Variants in DSC3 observed in about 807,000 individuals in gnomAD.
DSC3 encodes the protein desmocollin 3, also known as desmocollin-3.
Under a neutral mutation model 89.5 loss-of-function variants are expected in DSC3, and 97 were observed. The observed-to-expected ratio is 1.08, with a 90% CI of 0.92 to 1.28. The LOEUF is 1.28. Among genes scored for constraint, DSC3 ranks in the 50% most tolerant of loss-of-function variants. The probability of loss-of-function intolerance (pLI) is 0.00; values close to 1 mark genes in which losing one functional copy is unlikely to be tolerated. For missense variants in DSC3, 1,199 were observed against 1,085.3 expected (o/e 1.10, Z -1.47); for synonymous variants, 436 against 384.1 (o/e 1.14, Z -1.58).
chr18:31,004,200 T>C lies in DSC3; in HGVS notation c.2055A>G (p.Gly685=), dbSNP rs1308564210. ...GGATTGCCCATTTTCCAAGTATTAC[T>C]CCTGTACTCCTTGAAGTCGCACGAC... ...TQCRATSRST[G]VILGKWAILA... is the part of the protein sequence containing the mutation. Residue 685 remains glycine, a synonymous_variant, in exon 13 of 16, where the codon GGA becomes GGG. Transcript: ENST00000360428. The C allele has an allele frequency of 1.2e-6, 2 of 1,613,992 alleles. No individual in the cohort carries two copies. The highest frequency in any genetic ancestry group is 3.3e-5 in the Admixed American group (2 of 59,998).
At chr18:31,005,539 C>A (rs1008676871) in intron 12 of DSC3, among the ~76,000 whole-genome samples, 1 of 152,182 alleles carries the variant, frequency 6.6e-6, no homozygotes, top group Non-Finnish European at 1.5e-5. Context: ...TTCCTTCCAC[C>A]CAACCTCTTG....
chr18:31,031,003 C>T lies in DSC3; in HGVS notation c.324G>A (p.Glu108=), dbSNP rs767066413. The change falls in exon 3 of 16, where the codon GAG becomes GAA. Residue 108 remains glutamate (E), a synonymous_variant. Transcript: ENST00000360428. ...LSDKRKQTQK[E]VTVLLEHQKK... ...TCTGATGTTCTAGCAGCACAGTAAC[C>T]TCTTTCTGTGTCTGTTTCCTTTTGT... 3.7e-6 allele frequency: 6 copies of T among 1,613,912 alleles called. No individual in the cohort carries two copies. In the South Asian group the frequency reaches 6.6e-5, roughly 18 times the overall value.
At position 31,004,221 on chromosome 18, in the gene DSC3, A is replaced by G; in HGVS notation, c.2034T>C (p.Arg678=). 6.8e-6 allele frequency: 11 copies of G among 1,614,040 alleles called. No homozygotes were observed. Among genetic ancestry groups the G allele is most frequent in the Non-Finnish European group, 9.3e-6 (11 of 1,179,942 alleles). Residue 678 remains arginine, a synonymous_variant, in exon 13 of 16, where the codon CGT becomes CGC. Transcript: ENST00000360428. ...TTACTCCTGTACTCCTTGAAGTCGC[A>G]CGACACTGAGTTGGATGAGTACATT... The part of the protein sequence containing the change: ...LCECTHPTQC[R]ATSRSTGVIL...
chr18:31,012,619 C>T (rs1005654703), intron 9 of DSC3, among the ~76,000 whole-genome samples: 1 of 152,166 alleles, frequency 6.6e-6, no homozygotes, highest in Non-Finnish European at 1.5e-5. Context: ...ATTAGAATAA[C>T]AACCACATGG....
At chr18:31,006,122 A>G (rs570329336) in intron 12 of DSC3, among the ~76,000 whole-genome samples, 4 of 152,212 alleles carry the variant, frequency 2.6e-5, no homozygotes, top group Non-Finnish European at 5.9e-5. Context: ...AACTGCTACA[A>G]TAGGCAGCAG....
At position 31,018,107 on chromosome 18, in the gene DSC3, G is replaced by A. The variant is rs1985294021; in HGVS notation, c.1227C>T (p.Asp409=). Residue 409 remains aspartate, a synonymous_variant, in exon 9 of 16, where the codon GAC becomes GAT. Transcript: ENST00000360428. ...NENGHFKIST[D]KETNEGVLSV... ...AAAGAACACCTTCATTAGTTTCTTT[G>A]TCTGTGCTGATTTTGAAATGTCCAT... is the stretch of plus-strand genomic sequence containing the variant. The A allele has an allele frequency of 6.2e-7, 1 of 1,611,824 alleles. No individual in the cohort carries two copies. The highest frequency in any genetic ancestry group is 1.7e-5 in the Admixed American group (1 of 59,902).
chr18:31,031,578 G>A (rs1985793321), intron 2 of DSC3, among the ~76,000 whole-genome samples: 1 of 152,148 alleles, frequency 6.6e-6, no homozygotes, highest in South Asian at 2.1e-4. Flanking sequence ...TCAGTGAGAA[G>A]CCATGAGCCA....
intron 9 of DSC3, 89 bp from the exon 10 acceptor site, chr18:31,008,614 TG>T: frequency 6.6e-7 from 1 of 1,516,554 alleles, no homozygotes. Context: ...TCCTGACCAG[TG>T]CTGCATAAAT....
At chr18:31,009,773 G>C (rs1233728041) in intron 9 of DSC3, among the ~76,000 whole-genome samples, 1 of 152,144 alleles carries the variant, frequency 6.6e-6, no homozygotes, top group African/African-American at 2.4e-5. Context: ...GGGAAAAGGA[G>C]ATAAACTGAT....
Position 31,031,167 on chromosome 18 carries a change from A to G in DSC3, c.160T>C (p.Leu54=). The stretch of plus-strand genomic sequence containing the variant: ...TCTGCAGACCTGAAGCACTCTTCCA[A>G]ATTAACTGCAAGTAAAAATTTCCAA... The part of the protein sequence containing the change: ...EADKIIGRVN[L]EECFRSADLI... Residue 54 remains leucine, a synonymous_variant, in exon 3 of 16, where the codon TTG becomes CTG. Coordinates refer to ENST00000360428, the MANE Select transcript of DSC3 (RefSeq NM_001941.5). 1 of 1,608,286 alleles carries G rather than the reference A, an allele frequency of 6.2e-7. No homozygotes were observed. Among genetic ancestry groups the G allele is most frequent in the Non-Finnish European group, 8.5e-7 (1 of 1,177,676 alleles).
intron 9 of DSC3, among the ~76,000 whole-genome samples, chr18:31,010,009 G>T (rs1321807506): frequency 2.0e-5 from 3 of 152,274 alleles, no homozygotes; most frequent in Non-Finnish European, 4.4e-5. Flanking sequence ...GTACTATAAA[G>T]TTGAAGCACT....
In DSC3 at chr18:31,042,679, C is replaced by A; in HGVS notation, c.-19G>T. On this transcript the variant is annotated 5_prime_UTR_variant, in exon 1 of 16. Coordinates refer to ENST00000360428, the MANE Select transcript of DSC3 (RefSeq NM_001941.5). ...CGGCCATCGGGATGCCGGGCAGGGC[C>A]AGGAGAACGCGGGCGCCGGGAGGGT... 5 of 1,546,876 alleles carry A rather than the reference C, an allele frequency of 3.2e-6. No homozygotes were observed. Among genetic ancestry groups the A allele is most frequent in the Non-Finnish European group, 4.4e-6 (5 of 1,145,032 alleles).
chr18:31,004,165 A>C lies in DSC3; in HGVS notation c.2090T>G (p.Leu697Ter). 6.2e-7 allele frequency: 1 copy of C among 1,613,114 alleles called. No individual in the cohort carries two copies. The highest frequency in any genetic ancestry group is 8.5e-7 in the Non-Finnish European group (1 of 1,179,122). Residue 697 changes from leucine to a stop codon, truncating the protein, a stop_gained, in exon 13 of 16, where the codon TTA becomes TGA. Transcript: ENST00000360428. LOFTEE classifies it high-confidence loss of function. ...ACAAAAGAGCAGTGCTATACCCAGT[A>C]ATATTGCAAGGATTGCCCATTTTCC... is the stretch of plus-strand genomic sequence containing the variant. ...ILGKWAILAILLGIALLFSVL... is the reference protein window; with the variant it reads ...ILGKWAILAI
chr18:30,996,460 T>G (rs1238251318), intron 15 of DSC3, among the ~76,000 whole-genome samples: 3 of 152,278 alleles, frequency 2.0e-5, no homozygotes, highest in Middle Eastern at 3.4e-3. Context: ...TTTGAAAAGT[T>G]TGTAATTGTG....
At position 31,042,575 on chromosome 18, in the gene DSC3, G is replaced by T; in HGVS notation, c.69+17C>A. ...CCCCGTCCCCACCCCAGCCCTATCC[G>T]GCGAGATCTGGCTTACCACGAGGGT... On this transcript the variant is annotated intron_variant, in intron 1 of 15. Coordinates refer to ENST00000360428, the MANE Select transcript of DSC3 (RefSeq NM_001941.5). 1 of 1,549,794 alleles carries T rather than the reference G, an allele frequency of 6.5e-7. No homozygotes were observed. The highest frequency in any genetic ancestry group is 8.7e-7 in the Non-Finnish European group (1 of 1,146,376).
Position 30,990,687 on chromosome 18 carries a change from C to A in DSC3, c.*3488G>T, listed in dbSNP as rs990458455. ...TGGCAGAATCAAGACTGCAATATCG[C>A]CTGCTTTTCTTTTTAACTCATGTTT... On this transcript the variant is annotated 3_prime_UTR_variant, in exon 16 of 16. Coordinates refer to ENST00000360428, the MANE Select transcript of DSC3 (RefSeq NM_001941.5). The A allele has an allele frequency of 3.3e-5, 5 of 152,102 alleles. No individual in the cohort carries two copies. Among genetic ancestry groups the A allele is most frequent in the African/African-American group, 1.2e-4 (5 of 41,402 alleles). 9.4% of individuals were successfully genotyped at this position (152,102 alleles called of 1,614,324 possible).
At position 30,990,593 on chromosome 18, in the gene DSC3, T is replaced by C. The variant is rs2144661256; in HGVS notation, c.*3582A>G. On this transcript the variant is annotated 3_prime_UTR_variant, in exon 16 of 16. Transcript: ENST00000360428. ...TCCTGCATGGGGAAAAGATTCACTG[T>C]GAAGCACAGAGCACCTTTATGGTTG... 1 of 152,362 alleles carries C rather than the reference T, an allele frequency of 6.6e-6. No homozygotes were observed. The highest frequency in any genetic ancestry group is 3.4e-3 in the Middle Eastern group (1 of 294). The allele number at this position is 152,362 out of a possible 1,614,324, so 9.4% of individuals were successfully genotyped here.
chr18:31,014,475 T>TTTGAA (rs890306034), intron 9 of DSC3, among the ~76,000 whole-genome samples: 2 of 152,086 alleles, frequency 1.3e-5, no homozygotes, highest in African/African-American at 4.8e-5. Flanking sequence ...TCTTTTGAAC[T>TTTGAA]TTGAATTTTT....
At chr18:30,997,084 GAAA>G in intron 14 of DSC3, 36 bp from the exon 15 acceptor site, 1 of 1,612,882 alleles carries the variant, frequency 6.2e-7, no homozygotes, top group Non-Finnish European at 8.5e-7. Flanking sequence ...ATGTTGAGAG[GAAA>G]TGGATTCTAA....
Sources: allele counts gnomAD v4.1 joint callset (sites outside exome capture counted in the v4.1 genomes callset), GRCh38; gene constraint gnomAD v4.1.1; transcripts MANE v1.5; gene names NCBI Gene and HGNC (gene_info 2026-07-23, HGNC 2026-07-21).